Variants in ECT2L observed in about 807,000 individuals in gnomAD.
ECT2L encodes the protein epithelial cell-transforming sequence 2 oncogene-like.
Under a neutral mutation model 122.8 loss-of-function variants are expected in ECT2L, and 126 were observed. The observed-to-expected ratio is 1.03, with a 90% CI of 0.89 to 1.19. ECT2L has a LOEUF of 1.19. Among genes scored for constraint, ECT2L ranks in the 50% most tolerant of loss-of-function variants. The pLI, the probability that ECT2L is intolerant of heterozygous loss-of-function variation, is 0.00. For missense variants in ECT2L, 1,012 were observed against 1,064.1 expected, an observed-to-expected ratio of 0.95 and a Z score of 0.68; for synonymous variants, 385 against 381.8, an observed-to-expected ratio of 1.01 and a Z score of -0.10.
chr6:138,824,541 T>TAAAAAAAAAAACCAAAAAAAAAAAA (rs1776366319), intron 4 of ECT2L, among the ~76,000 whole-genome samples: 1 of 121,310 alleles, frequency 8.2e-6, no homozygotes, highest in African/African-American at 3.0e-5. Context: ...AAAAAAGCAA[T>TAAAAAAAAAAACCAAAAAAAAAAAA]AAAAAAAAAA....
chr6:138,810,046 A>C (rs777798349), intron 1 of ECT2L, among the ~76,000 whole-genome samples: 4 of 152,232 alleles, frequency 2.6e-5, no homozygotes, highest in Non-Finnish European at 5.9e-5. Flanking sequence ...CTCGTACTTT[A>C]TGCAAAGAGG....
intron 5 of ECT2L, 150 bp downstream of exon 5, chr6:138,838,664 T>G: frequency 1.5e-6 from 1 of 664,704 alleles, no homozygotes; most frequent in Non-Finnish European, 2.3e-6. Flanking sequence ...TGGGGAAAAG[T>G]GAAATACAAT....
rs1205896274 is a variant in ECT2L at position 138,806,512 on chromosome 6, T to TTC, written c.-243-6325_-243-6324insCT. On this transcript the variant is annotated intron_variant, in intron 1 of 21. Transcript: ENST00000541398. The stretch of plus-strand genomic sequence containing the variant: ...CCCCTGTGCAGCTGAAAATTCACGC[T>TTC]TTTTTTTTTTTTTTTTTTGAGATGG... Among the ~76,000 whole-genome samples, 11 of 16,604 alleles carry TTC rather than the reference T, an allele frequency of 6.6e-4. No individual in the cohort carries two copies. The East Asian group carries it at 0.062, about 94-fold the overall frequency. 10.9% of individuals were successfully genotyped at this position (16,604 alleles called of 152,430 possible).
rs11325945 is a variant in ECT2L at position 138,839,364 on chromosome 6, C to CT, written c.342+865dup. Among the ~76,000 whole-genome samples the CT allele has an allele frequency of 1.4e-3, 208 of 147,660 alleles. 1 individual carries two copies. The highest frequency in any genetic ancestry group is 3.6e-3 in the Middle Eastern group (1 of 280). ...TTAATAAAATGTAACTAAACACATA[C>CT]TTTTTTTTTTTTTTTCCTGAGACAG... is the stretch of plus-strand genomic sequence containing the variant. On this transcript the variant is annotated intron_variant, in intron 5 of 21. Coordinates refer to ENST00000541398, the MANE Select transcript of ECT2L (RefSeq NM_001077706.3).
In ECT2L at chr6:138,902,437, ATT is replaced by A. The variant is rs1172339675; in HGVS notation, c.2588-58_2588-57del. 3 of 1,491,504 alleles carry A rather than the reference ATT, an allele frequency of 2.0e-6. No individual in the cohort carries two copies. The African/African-American group carries it at 4.3e-5, about 21-fold the overall frequency. The allele number at this position is 1,491,504 out of a possible 1,614,324, so 92.4% of individuals were successfully genotyped here. ...AAGATGATGATTTTTGAGTATTAAC[ATT>A]TTTTCTCATTTTGATTGTTATCTGC... On this transcript the variant is annotated intron_variant, in intron 21 of 21. Transcript: ENST00000541398.
intron 4 of ECT2L, among the ~76,000 whole-genome samples, chr6:138,829,225 C>A (rs1348798360): frequency 1.3e-5 from 2 of 152,048 alleles, no homozygotes; most frequent in Non-Finnish European, 2.9e-5. Context: ...CCTTTTCCTG[C>A]CTCAGACTTG....
intron 12 of ECT2L, 29 bp downstream of exon 12, chr6:138,865,207 G>C (rs1459112073): frequency 2.6e-6 from 4 of 1,560,904 alleles, no homozygotes; most frequent in Non-Finnish European, 3.5e-6. Context: ...TCTGTTGCAG[G>C]TTAATTATGA....
At chr6:138,866,344 A>C (rs1237780614) in intron 12 of ECT2L, among the ~76,000 whole-genome samples, 2 of 151,828 alleles carry the variant, frequency 1.3e-5, no homozygotes, top group Non-Finnish European at 2.9e-5. Context: ...TTTTAGATGG[A>C]GTCTTACTCT....
rs569574778 is a variant in ECT2L, at chr6:138,809,341, G to A, written c.-243-3497G>A. On this transcript the variant is annotated intron_variant, in intron 1 of 21. Coordinates refer to ENST00000541398, the MANE Select transcript of ECT2L (RefSeq NM_001077706.3). ...CTTTGGGAGGCCGAGGCACAGTGGT[G>A]CATGCCTACGGTCCCAGCTGAGGCT... Among the ~76,000 whole-genome samples, 45 of 152,292 alleles carry A rather than the reference G, an allele frequency of 3.0e-4. 1 individual carries two copies. Among genetic ancestry groups the A allele is most frequent in the Admixed American group, 2.7e-3 (42 of 15,294 alleles).
At chr6:138,885,022 CTTTTTT>C (rs34579502) in intron 16 of ECT2L, among the ~76,000 whole-genome samples, 137 of 78,896 alleles carry the variant, frequency 1.7e-3, no homozygotes, top group African/African-American at 6.2e-3. Context: ...AACACACATT[CTTTTTT>C]TTTTTTTTTT....
chr6:138,844,877 G>A (rs1210295827), intron 7 of ECT2L, among the ~76,000 whole-genome samples: 3 of 139,558 alleles, frequency 2.1e-5, no homozygotes, highest in African/African-American at 5.4e-5. Flanking sequence ...CGATCCTCCC[G>A]CCATCCTCCC....
At chr6:138,864,900 C>A (rs1361745129) in intron 11 of ECT2L, 96 bp from the exon 12 acceptor site, 6 of 1,185,184 alleles carry the variant, frequency 5.1e-6, no homozygotes, top group African/African-American at 1.5e-5. Context: ...AAACTCAATA[C>A]AAATGCAACT....
intron 11 of ECT2L, among the ~76,000 whole-genome samples, chr6:138,863,896 G>A (rs1433656863): frequency 3.4e-5 from 5 of 147,848 alleles, no homozygotes; most frequent in South Asian, 4.4e-4. Flanking sequence ...ACAGGCGTGA[G>A]CCACCGCATC....
chr6:138,826,420 G>T (rs954613720), intron 4 of ECT2L, among the ~76,000 whole-genome samples: 9 of 152,076 alleles, frequency 5.9e-5, no homozygotes, highest in Admixed American at 5.2e-4. Context: ...AAGCACGATG[G>T]CTCATACCTG....
chr6:138,870,332 T>C (rs1386231411), intron 13 of ECT2L: 1 of 152,672 alleles, frequency 6.5e-6, no homozygotes, highest in Non-Finnish European at 1.5e-5. Flanking sequence ...AAGTTGCTGC[T>C]GAATTTTTAT....
chr6:138,815,876 A>T (rs1313433137), intron 4 of ECT2L, among the ~76,000 whole-genome samples: 1 of 152,176 alleles, frequency 6.6e-6, no homozygotes, highest in Admixed American at 6.6e-5. Flanking sequence ...TTTTCCTGCC[A>T]GTCTCTTTTG....
At position 138,868,225 on chromosome 6, in the gene ECT2L, A is replaced by G. The variant is rs749232701; in HGVS notation, c.1578+19A>G. ...AGATTCTGTAAGTGTTTCTTTGAAG[A>G]AAGTAAACTATGAAAACCAACATTT... On this transcript the variant is annotated intron_variant, in intron 13 of 21. Coordinates refer to ENST00000541398, the MANE Select transcript of ECT2L (RefSeq NM_001077706.3). 1.9e-5 allele frequency: 31 copies of G among 1,593,216 alleles called. No individual in the cohort carries two copies. Among genetic ancestry groups the G allele is most frequent in the South Asian group, 5.7e-5 (5 of 88,054 alleles).
chr6:138,886,164 C>A (rs1778813779), intron 18 of ECT2L, among the ~76,000 whole-genome samples: 1 of 151,810 alleles, frequency 6.6e-6, no homozygotes, highest in Non-Finnish European at 1.5e-5. Flanking sequence ...AAAGTACTTT[C>A]AATGCATTAA....
chr6:138,858,029 G>A (rs1315631681), intron 10 of ECT2L, among the ~76,000 whole-genome samples: 1 of 152,174 alleles, frequency 6.6e-6, no homozygotes, highest in African/African-American at 2.4e-5. Flanking sequence ...GCTCTCACGA[G>A]AAGAGGATGG....
Sources: allele counts gnomAD v4.1 joint callset (sites outside exome capture counted in the v4.1 genomes callset), GRCh38; gene constraint gnomAD v4.1.1; transcripts MANE v1.5; gene names NCBI Gene and HGNC (gene_info 2026-07-23, HGNC 2026-07-21).